Variants in RORA observed in about 807,000 individuals in gnomAD.
RORA encodes the protein RAR related orphan receptor A.
In RORA, 7 loss-of-function variants were observed where a neutral mutation model predicts 69.5. That is an observed-to-expected ratio of 0.10 (90% CI 0.06 to 0.19). The LOEUF is 0.19. Ranked by LOEUF, RORA falls within the 10% of genes least tolerant of loss-of-function variation. RORA has a pLI of 1.00. For synonymous variants in RORA, 261 were observed against 240.8 expected (o/e 1.08, Z -0.78); for missense variants, 457 against 663.0 (o/e 0.69, Z 3.41).
In RORA at chr15:60,567,077, C is replaced by G. The variant is rs185806215; in HGVS notation, c.197-35226G>C. Among the ~76,000 whole-genome samples, 694 of 152,106 alleles carry G rather than the reference C, an allele frequency of 4.6e-3. 5 individuals are homozygous for G. The highest frequency in any genetic ancestry group is 0.016 in the African/African-American group (667 of 41,508). On this transcript the variant is annotated intron_variant, in intron 2 of 10. Transcript: ENST00000335670. ...AAAGATACTAACAAAGATGAACTAG[C>G]CAAAACCATTAATCTGCTTCCATAA...
intron 1 of RORA, among the ~76,000 whole-genome samples, chr15:60,895,220 G>A (rs1003739037): frequency 6.6e-6 from 1 of 152,128 alleles, no homozygotes; most frequent in South Asian, 2.1e-4. Context: ...GAAAGCGAAC[G>A]GAAGATCCAA....
chr15:61,212,275 A>G (rs2079999989), intron 1 of RORA, among the ~76,000 whole-genome samples: 3 of 151,860 alleles, frequency 2.0e-5, no homozygotes, highest in Middle Eastern at 3.4e-3. Context: ...AAAAGGCTGC[A>G]ACACTTCAAT....
At position 60,823,885 on chromosome 15, in the gene RORA, T is replaced by C. The variant is rs570605561; in HGVS notation, c.167-145199A>G. On this transcript the variant is annotated intron_variant, in intron 1 of 10. Transcript: ENST00000335670. ...CTACTGCTTCTTTAGGTCAAGTCCCTAAATATTTATTAAATACATCTTGGG... is the reference window on the plus strand; with the variant it reads ...CTACTGCTTCTTTAGGTCAAGTCCCCAAATATTTATTAAATACATCTTGGG... Among the ~76,000 whole-genome samples the C allele has an allele frequency of 1.1e-4, 17 of 152,356 alleles. No individual in the cohort carries two copies. In the South Asian group the frequency reaches 3.5e-3, roughly 32 times the overall value.
intron 1 of RORA, among the ~76,000 whole-genome samples, chr15:60,857,181 G>A (rs539838483): frequency 8.5e-5 from 13 of 152,214 alleles, no homozygotes; most frequent in Middle Eastern, 3.4e-3. Flanking sequence ...GTGGGACAAG[G>A]GCTATGATGA....
chr15:60,553,716 G>A (rs1198148898), intron 2 of RORA, among the ~76,000 whole-genome samples: 1 of 152,122 alleles, frequency 6.6e-6, no homozygotes. Flanking sequence ...CCCATACCAG[G>A]AAGAGGAGAC....
intron 1 of RORA, among the ~76,000 whole-genome samples, chr15:60,684,174 T>A (rs192992541): frequency 1.3e-4 from 20 of 152,290 alleles, no homozygotes; most frequent in Non-Finnish European, 2.5e-4. Context: ...CCAGAGGCCT[T>A]GTATCCTGGA....
intron 1 of RORA, among the ~76,000 whole-genome samples, chr15:61,203,722 A>G (rs941389992): frequency 1.3e-5 from 2 of 152,264 alleles, no homozygotes; most frequent in African/African-American, 4.8e-5. Context: ...CTTGAGCAGA[A>G]TAAATAAATA....
chr15:60,506,855 C>T (rs183754812), intron 5 of RORA, among the ~76,000 whole-genome samples: 11 of 152,016 alleles, frequency 7.2e-5, no homozygotes, highest in Admixed American at 2.0e-4. Flanking sequence ...GGCGTGGTGG[C>T]GGGTGCTTGT....
chr15:60,813,480 G>A (rs2072770930), intron 1 of RORA, among the ~76,000 whole-genome samples: 1 of 152,178 alleles, frequency 6.6e-6, no homozygotes, highest in Non-Finnish European at 1.5e-5. Flanking sequence ...GAGAATCTAG[G>A]CAGGTAATGT....
chr15:60,819,665 G>A (rs1233035457), intron 1 of RORA, among the ~76,000 whole-genome samples: 2 of 151,434 alleles, frequency 1.3e-5, no homozygotes, highest in Admixed American at 6.6e-5. Context: ...CTTTTTCCTC[G>A]GACCTGAGTG....
At chr15:60,634,399 C>CTT (rs10604472) in intron 2 of RORA, among the ~76,000 whole-genome samples, 22 of 142,682 alleles carry the variant, frequency 1.5e-4, no homozygotes, top group African/African-American at 4.1e-4. Context: ...AGTGCTACCA[C>CTT]TTTTTTTTTT....
chr15:60,615,686 CA>C (rs2069222907), intron 2 of RORA, among the ~76,000 whole-genome samples: 2 of 152,168 alleles, frequency 1.3e-5, no homozygotes, highest in African/African-American at 4.8e-5. Context: ...TTCTGTTTGC[CA>C]AAAAACCTTT....
At chr15:60,743,853 G>A (rs2071611551) in intron 1 of RORA, among the ~76,000 whole-genome samples, 1 of 152,172 alleles carries the variant, frequency 6.6e-6, no homozygotes, top group African/African-American at 2.4e-5. Flanking sequence ...TGTCTTCTAG[G>A]GAGAAGAGAA....
chr15:60,519,576 T>A (rs948038467), intron 3 of RORA, among the ~76,000 whole-genome samples: 5 of 152,182 alleles, frequency 3.3e-5, no homozygotes, highest in African/African-American at 1.2e-4. Context: ...AAAAAACAAG[T>A]TATGCAGAAT....
intron 1 of RORA, among the ~76,000 whole-genome samples, chr15:60,944,053 G>A (rs993325980): frequency 2.0e-5 from 3 of 151,654 alleles, no homozygotes; most frequent in Non-Finnish European, 4.4e-5. Flanking sequence ...TCAGTCAGTC[G>A]TCCATTATCA....
chr15:60,935,714 C>T (rs1892500592), intron 1 of RORA, among the ~76,000 whole-genome samples: 1 of 152,182 alleles, frequency 6.6e-6, no homozygotes, highest in South Asian at 2.1e-4. Context: ...GTTACCAGTC[C>T]AGATAAATAA....
rs542153145 is a variant in RORA at position 61,055,697 on chromosome 15, T to C, written c.166+173356A>G. On this transcript the variant is annotated intron_variant, in intron 1 of 10. Transcript: ENST00000335670. Reference sequence around the variant, plus strand: ...AAAATGTGATCATCCTGAACTTTTATCACACATCAAAATTTCCCTCCTATA... The same window carrying C: ...AAAATGTGATCATCCTGAACTTTTACCACACATCAAAATTTCCCTCCTATA... Among the ~76,000 whole-genome samples, 39 of 152,354 alleles carry C rather than the reference T, an allele frequency of 2.6e-4. 2 individuals carry two copies. In the South Asian group the frequency reaches 5.2e-3, roughly 20 times the overall value.
At chr15:60,837,984 G>C (rs1320639274) in intron 1 of RORA, among the ~76,000 whole-genome samples, 2 of 152,106 alleles carry the variant, frequency 1.3e-5, no homozygotes, top group Non-Finnish European at 2.9e-5. Context: ...ACTTGAGAAG[G>C]GGCTTTTAGA....
intron 1 of RORA, among the ~76,000 whole-genome samples, chr15:61,180,963 G>A (rs1012053820): frequency 1.2e-4 from 18 of 152,100 alleles, no homozygotes; most frequent in Admixed American, 6.5e-5. Flanking sequence ...AATTATCTGG[G>A]TGTGGTGGTG....
Sources: gnomAD v4.1 joint callset for allele counts (sites outside exome capture counted in the v4.1 genomes callset) on GRCh38, gnomAD v4.1.1 for gene constraint, MANE v1.5 for transcripts, NCBI Gene and HGNC (gene_info 2026-07-23, HGNC 2026-07-21) for gene names.